Variants in LARP4B observed in about 807,000 individuals in gnomAD.
LARP4B encodes la-related protein 4B.
LARP4B carries 12 observed loss-of-function variants against 89.8 expected under a neutral mutation model. The observed-to-expected ratio is 0.13, with a 90% CI of 0.09 to 0.22. The LOEUF is 0.22. Ranked by LOEUF, LARP4B falls within the 10% of genes least tolerant of loss-of-function variation. The probability of loss-of-function intolerance (pLI) is 1.00; values close to 1 mark genes in which losing one functional copy is unlikely to be tolerated. For missense variants in LARP4B, 757 were observed against 947.7 expected, an observed-to-expected ratio of 0.80 and a Z score of 2.64; for synonymous variants, 367 against 363.3, an observed-to-expected ratio of 1.01 and a Z score of -0.12.
chr10:818,108 G>A lies in LARP4B; in HGVS notation c.1531-219C>T, dbSNP rs187103313. 1.2e-5 allele frequency: 6 copies of A among 495,602 alleles called. No homozygotes were observed. In the East Asian group the frequency reaches 1.6e-4, roughly 14 times the overall value. 30.7% of individuals were successfully genotyped at this position (495,602 alleles called of 1,614,324 possible). ...AAGGATGCTGCTGCCCAAGAGATGT[G>A]TCACAAAGGACACAGTGAGGCTAAG... On this transcript the variant is annotated intron_variant, in intron 14 of 17. Transcript: ENST00000316157.
the LARP4B span, among the ~76,000 whole-genome samples, chr10:946,790 T>C: frequency 6.6e-6 from 1 of 152,184 alleles, no homozygotes; most frequent in Non-Finnish European, 1.5e-5. Flanking sequence ...CCTCCCTCTT[T>C]GTGGAAAACA....
At chr10:823,413 T>G (rs1302159649) in intron 13 of LARP4B, among the ~76,000 whole-genome samples, 1 of 152,318 alleles carries the variant, frequency 6.6e-6, no homozygotes, top group South Asian at 2.1e-4. Flanking sequence ...TCAAGTATTG[T>G]TGAAGGGTAT....
At chr10:986,921 C>G in the LARP4B span, 1 of 138,268 alleles carries the variant, frequency 7.2e-6, no homozygotes, top group African/African-American at 2.8e-5. Flanking sequence ...GCCTGCGCGA[C>G]AGAGTGAGAT....
intron 1 of LARP4B, among the ~76,000 whole-genome samples, chr10:912,856 C>A (rs1836708342): frequency 6.6e-6 from 1 of 151,970 alleles, no homozygotes; most frequent in Admixed American, 6.6e-5. Flanking sequence ...GCAGTGAGAC[C>A]CCATCAAAAA....
upstream of LARP4B, among the ~76,000 whole-genome samples, chr10:935,677 T>G (rs923971548): frequency 4.6e-5 from 7 of 151,884 alleles, no homozygotes; most frequent in African/African-American, 1.7e-4. Context: ...ACATTTCAAG[T>G]GGTGTCTGAG....
At chr10:815,181 A>C in intron 15 of LARP4B, 111 bp from the exon 16 acceptor site, 1 of 1,312,138 alleles carries the variant, frequency 7.6e-7, no homozygotes. Flanking sequence ...GCACAAGGAC[A>C]TAGGGGAAGA....
At chr10:883,837 G>C (rs1835766148) in intron 3 of LARP4B, among the ~76,000 whole-genome samples, 1 of 151,060 alleles carries the variant, frequency 6.6e-6, no homozygotes, top group Admixed American at 6.6e-5. Context: ...GCTTATAATG[G>C]GGGGGGAATA....
chr10:867,583 G>A (rs994290699), intron 3 of LARP4B, among the ~76,000 whole-genome samples: 13 of 152,094 alleles, frequency 8.5e-5, no homozygotes, highest in Admixed American at 1.3e-4. Flanking sequence ...AGCGTCGGCC[G>A]GGTGTGGTGG....
chr10:818,750 T>C (rs1189928941), intron 14 of LARP4B: 1 of 152,248 alleles, frequency 6.6e-6, no homozygotes, highest in Non-Finnish European at 1.5e-5. Context: ...AACTAAAGAA[T>C]ACAACTATTT....
At chr10:961,392 G>A in the LARP4B span, among the ~76,000 whole-genome samples, 15 of 150,404 alleles carry the variant, frequency 1.0e-4, no homozygotes, top group Admixed American at 6.6e-4. Flanking sequence ...TCATGGCGGC[G>A]TGGTGCCAGC....
intron 15 of LARP4B, among the ~76,000 whole-genome samples, chr10:816,031 C>T (rs568470839): frequency 9.2e-5 from 14 of 152,310 alleles, no homozygotes; most frequent in African/African-American, 3.1e-4. Context: ...GGGTTTGAGG[C>T]CAGCCTGGCC....
intron 1 of LARP4B, among the ~76,000 whole-genome samples, chr10:906,592 T>C (rs1382392154): frequency 2.0e-5 from 3 of 152,362 alleles, no homozygotes; most frequent in African/African-American, 7.2e-5. Flanking sequence ...CCTTGAGTTA[T>C]GCTCCTGTGC....
In LARP4B at chr10:813,044, T is replaced by C; in HGVS notation, c.2099A>G (p.Lys700Arg). The C allele has an allele frequency of 6.2e-7, 1 of 1,613,746 alleles. No individual in the cohort carries two copies. The highest frequency in any genetic ancestry group is 8.5e-7 in the Non-Finnish European group (1 of 1,179,968). The change falls in exon 18 of 18, where the codon AAG (lysine) becomes AGG (arginine). Residue 700 changes from lysine to arginine, a missense_variant. By Grantham distance (26) the Lys-to-Arg change is conservative. Transcript: ENST00000316157. ...AERYREPPAL[K>R]STPGAPRDQR... The stretch of plus-strand genomic sequence containing the variant: ...GTCTCTGGGGGCTCCAGGTGTGGAC[T>C]TGAGGGCTGGGGGCTCCCGGTATCT...
chr10:922,531 T>C (rs1837008579), intron 1 of LARP4B, among the ~76,000 whole-genome samples: 1 of 151,752 alleles, frequency 6.6e-6, no homozygotes, highest in African/African-American at 2.4e-5. Flanking sequence ...CTGGGTGACA[T>C]GGCAAGACCT....
the LARP4B span, among the ~76,000 whole-genome samples, chr10:981,640 G>A: frequency 1.1e-4 from 17 of 151,940 alleles, no homozygotes; most frequent in African/African-American, 3.1e-4. Flanking sequence ...GTACGATCTC[G>A]GCTCACCGCA....
intron 1 of LARP4B, among the ~76,000 whole-genome samples, chr10:891,613 C>T (rs1173709587): frequency 1.3e-5 from 2 of 152,160 alleles, no homozygotes. Context: ...GTTCACTATA[C>T]TATTCTGTCT....
At chr10:869,922 TAA>T (rs1486099727) in intron 3 of LARP4B, 4 of 160,618 alleles carry the variant, frequency 2.5e-5, no homozygotes, top group African/African-American at 7.5e-5. Context: ...ATAATAATAA[TAA>T]TAATAATAAT....
chr10:980,784 T>C, the LARP4B span, among the ~76,000 whole-genome samples: 1 of 152,210 alleles, frequency 6.6e-6, no homozygotes, highest in Non-Finnish European at 1.5e-5. Flanking sequence ...CAAGCCTTTT[T>C]CCCCATTATT....
chr10:975,009 T>A, the LARP4B span, among the ~76,000 whole-genome samples: 1 of 152,310 alleles, frequency 6.6e-6, no homozygotes, highest in South Asian at 2.1e-4. Flanking sequence ...TGGGATGGGG[T>A]CTGGCCTCTG....
Sources: gnomAD v4.1 joint callset for allele counts (sites outside exome capture counted in the v4.1 genomes callset) on GRCh38, gnomAD v4.1.1 for gene constraint, MANE v1.5 for transcripts, NCBI Gene and HGNC (gene_info 2026-07-23, HGNC 2026-07-21) for gene names.